Variants in HEYL observed in about 807,000 individuals in gnomAD.
HEYL encodes the protein hes related family bHLH transcription factor with YRPW motif like, also known as hairy/enhancer-of-split related with YRPW motif-like protein.
HEYL carries 12 observed loss-of-function variants against 18.6 expected under a neutral mutation model. The observed-to-expected ratio is 0.65, with a 90% CI of 0.41 to 1.05. The LOEUF is 1.05. Among genes scored for constraint, HEYL ranks in the 50% least tolerant of loss-of-function variants. HEYL has a pLI of 0.00. For synonymous variants in HEYL, 159 were observed against 179.6 expected (o/e 0.89, Z 0.91); for missense variants, 420 against 444.7 (o/e 0.94, Z 0.50).
chr1:39,626,531 T>C lies in HEYL; in HGVS notation c.963A>G (p.Glu321=), dbSNP rs1207124743. 6.5e-7 allele frequency: 1 copy of C among 1,539,298 alleles called. No homozygotes were observed. Among genetic ancestry groups the C allele is most frequent in the Non-Finnish European group, 8.8e-7 (1 of 1,142,408 alleles). The change falls in exon 5 of 5, where the codon GAA becomes GAG. Residue 321 remains glutamate (E), a synonymous_variant. Transcript: ENST00000372852. ...GAMLYHSWVS[E]ITEIGAF Reference sequence around the variant, plus strand: ...CTCAGAAAGCCCCGATTTCAGTGATTTCAGAGACCCAGGAGTGGTAGAGCA... The same window carrying C: ...CTCAGAAAGCCCCGATTTCAGTGATCTCAGAGACCCAGGAGTGGTAGAGCA...
chr1:39,623,787 G>C lies in HEYL; in HGVS notation c.*2720C>G, dbSNP rs142093126. Reference sequence around the variant, plus strand: ...TGGCAAAGGGAACAGCATATGCAAAGTGCTGGAGGTGGGAACAAGGCTGGA... The same window carrying C: ...TGGCAAAGGGAACAGCATATGCAAACTGCTGGAGGTGGGAACAAGGCTGGA... On this transcript the variant is annotated 3_prime_UTR_variant, in exon 5 of 5. Coordinates refer to ENST00000372852, the MANE Select transcript of HEYL (RefSeq NM_014571.4). Among the ~76,000 whole-genome samples the C allele has an allele frequency of 7.9e-4, 120 of 152,306 alleles. No individual in the cohort carries two copies. The highest frequency in any genetic ancestry group is 2.8e-3 in the African/African-American group (117 of 41,560).
At chr1:39,629,542 C>T (rs1435150816) in intron 4 of HEYL, among the ~76,000 whole-genome samples, 4 of 152,218 alleles carry the variant, frequency 2.6e-5, no homozygotes, top group Non-Finnish European at 5.9e-5. Context: ...CTACTGTCCT[C>T]TTCTGTAGCA....
chr1:39,632,819 C>G, intron 1 of HEYL, 104 bp from the exon 2 acceptor site: 1 of 1,549,110 alleles, frequency 6.5e-7, no homozygotes, highest in Non-Finnish European at 8.7e-7. Context: ...CTAGAAGGAG[C>G]AGCTTGCTCT....
intron 1 of HEYL, among the ~76,000 whole-genome samples, chr1:39,638,977 T>C (rs972122333): frequency 1.3e-5 from 2 of 152,152 alleles, no homozygotes; most frequent in African/African-American, 4.8e-5. Context: ...AGGAGGAACA[T>C]TGGAATTAGA....
Position 39,626,338 on chromosome 1 carries a change from A to G in HEYL, c.*169T>C. ...AGCTGGGTGGATAAGCTGGGATAAC[A>G]GTGAGAAGGAGAGATGGGTTGGAGG... On this transcript the variant is annotated 3_prime_UTR_variant, in exon 5 of 5. Coordinates refer to ENST00000372852, the MANE Select transcript of HEYL (RefSeq NM_014571.4). 1.6e-6 allele frequency: 1 copy of G among 608,022 alleles called. No individual in the cohort carries two copies. 37.7% of individuals were successfully genotyped at this position (608,022 alleles called of 1,614,324 possible).
chr1:39,633,508 A>G, intron 1 of HEYL: 1 of 152,292 alleles, frequency 6.6e-6, no homozygotes, highest in East Asian at 1.9e-4. Flanking sequence ...TAGAATGGTG[A>G]GGATTCGCTG....
Position 39,625,948 on chromosome 1 carries a change from T to A in HEYL, c.*559A>T, listed in dbSNP as rs1272081222. On this transcript the variant is annotated 3_prime_UTR_variant, in exon 5 of 5. Coordinates refer to ENST00000372852, the MANE Select transcript of HEYL (RefSeq NM_014571.4). ...GGGTCTGTCCTGTGGTTCAGTGTGA[T>A]GGTGTGGCCCAAGGACAGGTGGGAA... 6.6e-6 allele frequency: 1 copy of A among 152,606 alleles called. No homozygotes were observed. 9.5% of individuals were successfully genotyped at this position (152,606 alleles called of 1,614,324 possible).
chr1:39,628,521 C>T (rs910225065), intron 4 of HEYL, among the ~76,000 whole-genome samples: 14 of 152,164 alleles, frequency 9.2e-5, no homozygotes, highest in African/African-American at 2.2e-4. Flanking sequence ...TCAGGTGATC[C>T]GCCCACCTCG....
chr1:39,630,353 G>T, intron 3 of HEYL, 45 bp from the exon 4 acceptor site: 1 of 1,450,150 alleles, frequency 6.9e-7, no homozygotes. Flanking sequence ...AGCTGACCAT[G>T]TAGCTGTGCG....
At chr1:39,630,346 T>TACATGGTCAGCTGCA in intron 3 of HEYL, 38 bp from the exon 4 acceptor site, 1 of 1,516,344 alleles carries the variant, frequency 6.6e-7, no homozygotes, top group Non-Finnish European at 9.2e-7. Context: ...AGCCTGCAGC[T>TACATGGTCAGCTGCA]GACCATGTAG....
In HEYL at chr1:39,626,712, G is replaced by A. The variant is rs1646300224; in HGVS notation, c.782C>T (p.Ala261Val). 1 of 1,504,698 alleles carries A rather than the reference G, an allele frequency of 6.6e-7. No homozygotes were observed. The highest frequency in any genetic ancestry group is 8.9e-7 in the Non-Finnish European group (1 of 1,123,346). The allele number at this position is 1,504,698 out of a possible 1,614,324, so 93.2% of individuals were successfully genotyped here. ...LERPATPVPVAPSSRAARSSH... is the reference protein window; with the variant it reads ...LERPATPVPVVPSSRAARSSH... Reference sequence around the variant, plus strand: ...GCTCCTGGCAGCCCTGCTGCTGGGGGCGACAGGCACAGGGGTCGCTGGCCT... The same window carrying A: ...GCTCCTGGCAGCCCTGCTGCTGGGGACGACAGGCACAGGGGTCGCTGGCCT... The change falls in exon 5 of 5, where the codon GCC becomes GTC. Residue 261 changes from alanine (A) to valine (V), a missense_variant. Physicochemically the swap from Ala to Val is moderately conservative, Grantham distance 64 (BLOSUM62 0). Coordinates refer to ENST00000372852, the MANE Select transcript of HEYL (RefSeq NM_014571.4).
chr1:39,634,106 G>A (rs1020100799), intron 1 of HEYL, among the ~76,000 whole-genome samples: 2 of 151,776 alleles, frequency 1.3e-5, no homozygotes, highest in Non-Finnish European at 2.9e-5. Context: ...TTTGTTTTGG[G>A]TTTTTTTTAG....
intron 4 of HEYL, among the ~76,000 whole-genome samples, chr1:39,628,104 A>G (rs1259471113): frequency 6.6e-6 from 1 of 152,196 alleles, no homozygotes; most frequent in Non-Finnish European, 1.5e-5. Context: ...CACTGGTCTC[A>G]TGACGATGGC....
chr1:39,638,158 A>G (rs542273273), intron 1 of HEYL, among the ~76,000 whole-genome samples: 73 of 152,328 alleles, frequency 4.8e-4, no homozygotes, highest in South Asian at 3.9e-3. Flanking sequence ...GTTGTGTTAT[A>G]CTCCCTAAAA....
rs41264505 is a variant in HEYL at position 39,627,026 on chromosome 1, G to A, written c.468C>T (p.Tyr156=). Residue 156 remains tyrosine (Y), a synonymous_variant, in exon 5 of 5, where the codon TAC becomes TAT. Transcript: ENST00000372852. ...TGGGCGAAGGCTCCATCTCGGCTGC[G>A]TAGCTGTTGAGGTGGGAGAGAAGGC... ...RIRLLSHLNS[Y]AAEMEPSPTP... 6.2e-4 allele frequency: 1,002 copies of A among 1,614,178 alleles called. 2 individuals carry two copies. The highest frequency in any genetic ancestry group is 2.0e-3 in the Admixed American group (123 of 60,030).
chr1:39,635,333 C>T (rs1481347202), intron 1 of HEYL, among the ~76,000 whole-genome samples: 2 of 152,224 alleles, frequency 1.3e-5, no homozygotes, highest in African/African-American at 2.4e-5. Flanking sequence ...CACTAAGAAA[C>T]ACGGCCTTTG....
intron 2 of HEYL, among the ~76,000 whole-genome samples, chr1:39,632,445 G>C (rs1440508161): frequency 1.3e-5 from 2 of 152,236 alleles, no homozygotes; most frequent in Admixed American, 6.5e-5. Flanking sequence ...CATTATTCCA[G>C]TTACACAAAG....
At position 39,626,979 on chromosome 1, in the gene HEYL, A is replaced by G. The variant is rs1369811837; in HGVS notation, c.515T>C (p.Phe172Ser). The G allele has an allele frequency of 6.2e-7, 1 of 1,614,142 alleles. No homozygotes were observed. The highest frequency in any genetic ancestry group is 1.1e-5 in the South Asian group (1 of 91,086). Residue 172 changes from phenylalanine to serine, a missense_variant, in exon 5 of 5, where the codon TTC (phenylalanine) becomes TCC (serine). Phe to Ser is a radical substitution (Grantham distance 155). Transcript: ENST00000372852. ...GAAGAAAGACCAGGGCCAGGCAGGG[A>G]AGGCCAAAGGGCCAGTGGGCGTGGG... ...PSPTPTGPLA[F>S]PAWPWSFFHS...
At chr1:39,630,056 G>A (rs934042619) in intron 4 of HEYL, among the ~76,000 whole-genome samples, 171 bp downstream of exon 4, 3 of 152,250 alleles carry the variant, frequency 2.0e-5, no homozygotes, top group African/African-American at 4.8e-5. Flanking sequence ...GACACTGAAA[G>A]TGGAGAGGGA....
Sources: gnomAD v4.1 joint callset for allele counts (sites outside exome capture counted in the v4.1 genomes callset) on GRCh38, gnomAD v4.1.1 for gene constraint, MANE v1.5 for transcripts, NCBI Gene and HGNC (gene_info 2026-07-23, HGNC 2026-07-21) for gene names.